The following SLC8A3 variants were observed in gnomAD, a reference collection of about 807,000 sequenced individuals.
The protein encoded by SLC8A3 is sodium/calcium exchanger 3.
Under a neutral mutation model 65.4 loss-of-function variants are expected in SLC8A3, and 37 were observed. The observed-to-expected ratio is 0.57, with a 90% CI of 0.44 to 0.74. The LOEUF is 0.74. Among genes scored for constraint, SLC8A3 ranks in the 30% least tolerant of loss-of-function variants. The pLI, the probability that SLC8A3 is intolerant of heterozygous loss-of-function variation, is 0.00. For synonymous variants in SLC8A3, 461 were observed against 444.5 expected (o/e 1.04, Z -0.47); for missense variants, 1,112 against 1,172.1 (o/e 0.95, Z 0.75).
chr14:70,184,801 G>A (rs575111560), intron 1 of SLC8A3, among the ~76,000 whole-genome samples: 2 of 152,292 alleles, frequency 1.3e-5, no homozygotes, highest in South Asian at 4.1e-4. Flanking sequence ...TGTCAGAGTA[G>A]GTGGCTGTTG....
intron 2 of SLC8A3, among the ~76,000 whole-genome samples, chr14:70,087,878 G>A (rs1891544095): frequency 6.6e-6 from 1 of 152,196 alleles, no homozygotes; most frequent in African/African-American, 2.4e-5. Context: ...ATCTACATAT[G>A]CAAGGAAATG....
intron 2 of SLC8A3, among the ~76,000 whole-genome samples, chr14:70,135,014 A>C (rs1285325402): frequency 1.3e-5 from 2 of 152,232 alleles, no homozygotes. Flanking sequence ...TGTGTATCAG[A>C]ATATATAAGA....
intron 2 of SLC8A3, chr14:70,063,839 ATCC>A (rs1555370101): frequency 6.2e-7 from 1 of 1,603,314 alleles, no homozygotes; most frequent in Non-Finnish European, 8.5e-7. Context: ...GAAAACTCAT[ATCC>A]ACCATGCGGG....
At chr14:70,080,541 T>A (rs1040775954) in intron 2 of SLC8A3, among the ~76,000 whole-genome samples, 22 of 152,176 alleles carry the variant, frequency 1.4e-4, no homozygotes, top group African/African-American at 5.3e-4. Flanking sequence ...AAGTGGCTTC[T>A]CTAGCAATTG....
At chr14:70,061,216 A>G (rs10136340) in intron 2 of SLC8A3, among the ~76,000 whole-genome samples, 13,754 of 152,226 alleles carry the variant, frequency 0.09, 718 homozygotes, top group South Asian at 0.14. Flanking sequence ...CCAGAAGGAC[A>G]GAAGGGGAGG....
chr14:70,067,831 T>C (rs1889604795), intron 2 of SLC8A3, among the ~76,000 whole-genome samples: 1 of 152,186 alleles, frequency 6.6e-6, no homozygotes, highest in South Asian at 2.1e-4. Context: ...GGTTTTCAGA[T>C]TTTTTTGGGC....
chr14:70,075,893 TG>T (rs2080766621), intron 2 of SLC8A3, among the ~76,000 whole-genome samples: 1 of 152,148 alleles, frequency 6.6e-6, no homozygotes, highest in Non-Finnish European at 1.5e-5. Context: ...CACAATGAGG[TG>T]CCCCATCCCA....
At chr14:70,170,090 G>A (rs781369742) in intron 1 of SLC8A3, among the ~76,000 whole-genome samples, 14 of 152,076 alleles carry the variant, frequency 9.2e-5, no homozygotes, top group Non-Finnish European at 1.5e-4. Flanking sequence ...TATAGCCACC[G>A]TAATCTTTTT....
chr14:70,050,675 T>G (rs1313402806), intron 5 of SLC8A3, among the ~76,000 whole-genome samples: 1 of 151,988 alleles, frequency 6.6e-6, no homozygotes, highest in African/African-American at 2.4e-5. Context: ...ATGACAGAAA[T>G]CAGAATTTAT....
At chr14:70,123,574 C>T (rs531235649) in intron 2 of SLC8A3, among the ~76,000 whole-genome samples, 116 of 151,870 alleles carry the variant, frequency 7.6e-4, no homozygotes, top group African/African-American at 2.5e-3. Flanking sequence ...CTCAGCCTCC[C>T]GAGTAGCTAG....
intron 2 of SLC8A3, among the ~76,000 whole-genome samples, chr14:70,113,321 T>C (rs1200932960): frequency 2.6e-5 from 4 of 152,190 alleles, no homozygotes; most frequent in Non-Finnish European, 1.5e-5. Flanking sequence ...TGTAGGCAAT[T>C]GGAACACAAT....
At chr14:70,189,104 C>T (rs1046457967), upstream of SLC8A3, 1 of 152,206 alleles carries the variant, frequency 6.6e-6, no homozygotes, top group East Asian at 1.9e-4. Flanking sequence ...TTTATCCTCG[C>T]GCGCGGAGGG....
At chr14:70,136,374 C>T (rs1440008810) in intron 2 of SLC8A3, among the ~76,000 whole-genome samples, 3 of 152,180 alleles carry the variant, frequency 2.0e-5, no homozygotes, top group Non-Finnish European at 2.9e-5. Context: ...AGCTTTGTTA[C>T]GGTAGTCCCA....
chr14:70,048,300 A>C (rs17107699), intron 6 of SLC8A3: 40,056 of 301,812 alleles, frequency 0.13, 3,095 homozygotes, highest in African/African-American at 0.2. Context: ...GAGCTGGCTA[A>C]TCTTTAACCT....
At chr14:70,174,743 C>T (rs1169649967) in intron 1 of SLC8A3, among the ~76,000 whole-genome samples, 1 of 136,292 alleles carries the variant, frequency 7.3e-6, no homozygotes, top group African/African-American at 2.8e-5. Context: ...CCATGAACCA[C>T]TTCTCCAACC....
chr14:70,072,011 C>T (rs997501783), intron 2 of SLC8A3, among the ~76,000 whole-genome samples: 10 of 152,182 alleles, frequency 6.6e-5, no homozygotes, highest in African/African-American at 2.4e-4. Context: ...TAGCTGGACT[C>T]ATCAGAGATA....
intron 2 of SLC8A3, among the ~76,000 whole-genome samples, chr14:70,107,401 G>A (rs1172351963): frequency 1.3e-5 from 2 of 152,102 alleles, no homozygotes; most frequent in Non-Finnish European, 2.9e-5. Context: ...GTTGCCAGCA[G>A]CCACTGTGCA....
intron 2 of SLC8A3, among the ~76,000 whole-genome samples, chr14:70,078,604 G>C (rs879940848): frequency 3.9e-5 from 6 of 152,168 alleles, no homozygotes; most frequent in Admixed American, 6.5e-5. Flanking sequence ...ATGGCTGGCT[G>C]ACTTTAAGCT....
Position 70,166,307 on chromosome 14 carries a change from C to A in SLC8A3, c.1784+332G>T, listed in dbSNP as rs1409959656. ...GCAGTTCTCTAGTCCTTCTTAGTCA[C>A]AAGAATTCTCCAAAATCTGATATCA... On this transcript the variant is annotated intron_variant, in intron 2 of 6. Transcript: ENST00000356921. Among the ~76,000 whole-genome samples the A allele has an allele frequency of 2.0e-5, 3 of 152,178 alleles. No individual in the cohort carries two copies. In the East Asian group the frequency reaches 5.8e-4, roughly 29 times the overall value.
Sources: gnomAD v4.1 joint callset for allele counts (sites outside exome capture counted in the v4.1 genomes callset) on GRCh38, gnomAD v4.1.1 for gene constraint, MANE v1.5 for transcripts, NCBI Gene and HGNC (gene_info 2026-07-23, HGNC 2026-07-21) for gene names.